Variants in SCAF8 observed in about 807,000 individuals in gnomAD.
SCAF8 encodes SR-related and CTD-associated factor 8.
A neutral mutation model predicts 140.5 loss-of-function variants in SCAF8; 23 were observed. That is an observed-to-expected ratio of 0.16 (90% confidence interval 0.12 to 0.23). The LOEUF is 0.23. Among genes scored for constraint, SCAF8 ranks in the 10% least tolerant of loss-of-function variants. SCAF8 has a pLI of 1.00. For synonymous variants in SCAF8, 575 were observed against 528.9 expected (o/e 1.09, Z -1.20); for missense variants, 1,397 against 1,555.7 (o/e 0.90, Z 1.72).
Position 154,831,925 on chromosome 6 carries a change from C to G in SCAF8, c.2360-14C>G. On this transcript the variant is annotated splice_polypyrimidine_tract_variant and intron_variant, in intron 19 of 19. Coordinates refer to ENST00000367178, the MANE Select transcript of SCAF8 (RefSeq NM_014892.5). ...CTGTTATTTTGAGTTTTTTCTCTCT[C>G]TCTTTTTTTTTAGTGATTCCAAATG... The G allele has an allele frequency of 2.6e-6, 4 of 1,565,602 alleles. No individual in the cohort carries two copies. Among genetic ancestry groups the G allele is most frequent in the African/African-American group, 1.4e-5 (1 of 72,456 alleles).
chr6:154,767,343 C>T (rs1472332542), intron 1 of SCAF8, among the ~76,000 whole-genome samples: 1 of 151,754 alleles, frequency 6.6e-6, no homozygotes, highest in Non-Finnish European at 1.5e-5. Context: ...TGGTGTTTGC[C>T]TCTCTTCCTT....
chr6:154,764,299 A>G (rs1407778194), intron 1 of SCAF8, among the ~76,000 whole-genome samples: 2 of 139,870 alleles, frequency 1.4e-5, no homozygotes, highest in Non-Finnish European at 1.5e-5. Context: ...TTTGAGACGG[A>G]GTCTCGCTCT....
chr6:154,796,908 G>T (rs1777624326), intron 6 of SCAF8, among the ~76,000 whole-genome samples: 1 of 151,736 alleles, frequency 6.6e-6, no homozygotes, highest in Middle Eastern at 3.2e-3. Flanking sequence ...AGAAGTGGAG[G>T]TTACAGAGAG....
intron 1 of SCAF8, among the ~76,000 whole-genome samples, chr6:154,771,132 T>C (rs376771648): frequency 6.6e-6 from 1 of 152,216 alleles, no homozygotes; most frequent in Admixed American, 6.5e-5. Flanking sequence ...CTGTGACATA[T>C]CTTTTAAAAA....
At chr6:154,803,215 T>G (rs1310685102) in intron 7 of SCAF8, among the ~76,000 whole-genome samples, 1 of 152,146 alleles carries the variant, frequency 6.6e-6, no homozygotes, top group Non-Finnish European at 1.5e-5. Flanking sequence ...ATAGATCCAT[T>G]GAATATGGCC....
intron 13 of SCAF8, among the ~76,000 whole-genome samples, chr6:154,817,725 T>C (rs1295563060): frequency 6.6e-6 from 1 of 152,230 alleles, no homozygotes; most frequent in Non-Finnish European, 1.5e-5. Flanking sequence ...ATAACAGATA[T>C]GGCTTATTAG....
chr6:154,762,130 A>G (rs1405040073), intron 1 of SCAF8, among the ~76,000 whole-genome samples: 1 of 152,232 alleles, frequency 6.6e-6, no homozygotes, highest in Non-Finnish European at 1.5e-5. Context: ...CTTCTACTGT[A>G]TTAGTTTTCT....
intron 9 of SCAF8, 62 bp from the exon 10 acceptor site, chr6:154,808,008 C>T (rs1255689515): frequency 2.1e-6 from 3 of 1,455,352 alleles, no homozygotes; most frequent in Non-Finnish European, 2.8e-6. Context: ...GCTGTGTTTA[C>T]ATTTTCATTC....
intron 7 of SCAF8, 137 bp from the exon 8 acceptor site, chr6:154,803,396 TTTATAATAGTA>T: frequency 4.5e-6 from 3 of 663,544 alleles, no homozygotes; most frequent in Non-Finnish European, 8.0e-6. Context: ...CTCAAAACAC[TTTATAATAGTA>T]TAAAGTGATA....
intron 1 of SCAF8, among the ~76,000 whole-genome samples, chr6:154,752,654 T>C (rs1433134617): frequency 6.6e-6 from 1 of 152,240 alleles, no homozygotes; most frequent in African/African-American, 2.4e-5. Flanking sequence ...ATGTTCAGCA[T>C]ATATTTCAAG....
At chr6:154,828,216 A>G (rs768268206) in intron 18 of SCAF8, among the ~76,000 whole-genome samples, 9 of 152,206 alleles carry the variant, frequency 5.9e-5, no homozygotes, top group Non-Finnish European at 8.8e-5. Flanking sequence ...TTCTAAATGT[A>G]TAATTCCTTC....
At chr6:154,739,536 G>C (rs1582990607) in intron 1 of SCAF8, among the ~76,000 whole-genome samples, 1 of 152,150 alleles carries the variant, frequency 6.6e-6, no homozygotes, top group East Asian at 1.9e-4. Context: ...ATGTAGGTTT[G>C]AGATATGTCA....
rs746099059 is a variant in SCAF8 at position 154,808,757 on chromosome 6, G to T, written c.1185G>T (p.Ala395=). The T allele has an allele frequency of 6.2e-7, 1 of 1,613,716 alleles. No individual in the cohort carries two copies. The highest frequency in any genetic ancestry group is 8.5e-7 in the Non-Finnish European group (1 of 1,179,738). Reference sequence around the variant, plus strand: ...TTGAACAAGAAGCTAAGAAAGTGGCGGTTCGCTCAAGATCAAGAACACATT... The same window carrying T: ...TTGAACAAGAAGCTAAGAAAGTGGCTGTTCGCTCAAGATCAAGAACACATT... ...EVFEQEAKKV[A]VRSRSRTHSR... The change falls in exon 11 of 20, where the codon GCG becomes GCT. Residue 395 remains alanine, a synonymous_variant. Transcript: ENST00000367178.
intron 6 of SCAF8, among the ~76,000 whole-genome samples, chr6:154,799,725 C>T (rs1331414289): frequency 6.6e-6 from 1 of 151,192 alleles, no homozygotes; most frequent in Admixed American, 6.6e-5. Flanking sequence ...CATATGGTTT[C>T]ATCTCTTGTC....
Position 154,733,719 on chromosome 6 carries a change from G to A in SCAF8, c.-182G>A, listed in dbSNP as rs1349891756. 42 of 1,287,560 alleles carry A rather than the reference G, an allele frequency of 3.3e-5. No homozygotes were observed. The highest frequency in any genetic ancestry group is 3.8e-5 in the Non-Finnish European group (39 of 1,018,166). The allele number at this position is 1,287,560 out of a possible 1,614,324, so 79.8% of individuals were successfully genotyped here. On this transcript the variant is annotated 5_prime_UTR_variant, in exon 1 of 20. Coordinates refer to ENST00000367178, the MANE Select transcript of SCAF8 (RefSeq NM_014892.5). The stretch of plus-strand genomic sequence containing the variant: ...GCGGCCATGCCGGTGCCGCTCTGCC[G>A]CTGAGGGAGCCCTTCCCCGCCAGCG...
intron 3 of SCAF8, 95 bp from the exon 4 acceptor site, chr6:154,787,766 G>A: frequency 2.0e-6 from 2 of 984,598 alleles, no homozygotes; most frequent in Non-Finnish European, 3.0e-6. Flanking sequence ...CATAGGCAAT[G>A]TCTTTGTATT....
chr6:154,826,467 C>T (rs868795070), intron 17 of SCAF8, among the ~76,000 whole-genome samples: 2 of 151,948 alleles, frequency 1.3e-5, no homozygotes, highest in Non-Finnish European at 2.9e-5. Context: ...AGGAACAAAC[C>T]TCGAATACCA....
At chr6:154,822,108 A>C (rs964905698) in intron 15 of SCAF8, 168 bp from the exon 16 acceptor site, 1 of 567,752 alleles carries the variant, frequency 1.8e-6, no homozygotes, top group East Asian at 2.8e-5. Flanking sequence ...ATAGTATCCT[A>C]ATCAGATTAA....
chr6:154,783,928 G>A (rs373047869), intron 3 of SCAF8, among the ~76,000 whole-genome samples: 43 of 151,880 alleles, frequency 2.8e-4, no homozygotes, highest in African/African-American at 9.2e-4. Context: ...TTAGGCAGGC[G>A]CGGTAGCACA....
Sources: gnomAD v4.1 joint callset for allele counts (sites outside exome capture counted in the v4.1 genomes callset) on GRCh38, gnomAD v4.1.1 for gene constraint, MANE v1.5 for transcripts, NCBI Gene and HGNC (gene_info 2026-07-23, HGNC 2026-07-21) for gene names.